Variants in MACROD2 observed in about 807,000 individuals in gnomAD.
MACROD2 encodes the protein ADP-ribose glycohydrolase MACROD2.
MACROD2 carries 36 observed loss-of-function variants against 70.4 expected under a neutral mutation model. The ratio of observed to expected loss-of-function variants is 0.51; its 90% CI spans 0.39 to 0.68. The LOEUF (loss-of-function observed/expected upper bound fraction) is 0.68. Ranked by LOEUF, MACROD2 falls within the 30% of genes least tolerant of loss-of-function variation. The probability of loss-of-function intolerance (pLI) is 0.00; values close to 1 mark genes in which losing one functional copy is unlikely to be tolerated. For synonymous variants in MACROD2, 172 were observed against 178.8 expected (o/e 0.96, Z 0.30); for missense variants, 496 against 538.4 (o/e 0.92, Z 0.78).
chr20:14,647,126 A>G (rs1985437504), intron 4 of MACROD2, among the ~76,000 whole-genome samples: 1 of 152,106 alleles, frequency 6.6e-6, no homozygotes, highest in South Asian at 2.1e-4. Context: ...TATTCTCTTC[A>G]ACACTTGAAG....
intron 7 of MACROD2, among the ~76,000 whole-genome samples, chr20:15,463,203 A>G (rs972636394): frequency 2.0e-5 from 3 of 152,166 alleles, no homozygotes; most frequent in African/African-American, 7.2e-5. Context: ...CCATGTGTCA[A>G]TGCCAACAGG....
rs1021763085 is a variant in MACROD2, at chr20:14,209,460, G to A, written c.271+123732G>A. Among the ~76,000 whole-genome samples the A allele has an allele frequency of 2.6e-5, 4 of 151,996 alleles. No individual in the cohort carries two copies. In the East Asian group the frequency reaches 7.7e-4, roughly 29 times the overall value. On this transcript the variant is annotated intron_variant, in intron 3 of 17. Transcript: ENST00000684519. The stretch of plus-strand genomic sequence containing the variant: ...CCTCTCTCTAAGAAATGTCAATGAT[G>A]CTGGAAAAAAAATAAAGTTCCATTT...
chr20:15,321,085 G>A (rs2077869418), intron 6 of MACROD2, among the ~76,000 whole-genome samples: 1 of 146,252 alleles, frequency 6.8e-6, no homozygotes, highest in Non-Finnish European at 1.6e-5. Flanking sequence ...CTGCAAAGTT[G>A]TTTCAAAATG....
At chr20:16,009,437 T>A (rs1056224249) in intron 15 of MACROD2, among the ~76,000 whole-genome samples, 1 of 152,168 alleles carries the variant, frequency 6.6e-6, no homozygotes, top group African/African-American at 2.4e-5. Context: ...TACTAGAACT[T>A]CTTCCAGTTG....
chr20:15,390,228 G>C (rs2045774201), intron 6 of MACROD2, among the ~76,000 whole-genome samples: 1 of 152,126 alleles, frequency 6.6e-6, no homozygotes, highest in South Asian at 2.1e-4. Context: ...TTACGGCAGA[G>C]TCCCCTCCTC....
chr20:14,398,926 A>G (rs1414276282), intron 3 of MACROD2, among the ~76,000 whole-genome samples: 3 of 151,996 alleles, frequency 2.0e-5, no homozygotes, highest in Non-Finnish European at 2.9e-5. Context: ...CGCCCTGTTC[A>G]TACCATTCCT....
intron 5 of MACROD2, among the ~76,000 whole-genome samples, chr20:15,189,927 C>T (rs2076559509): frequency 6.6e-6 from 1 of 151,864 alleles, no homozygotes; most frequent in African/African-American, 2.4e-5. Context: ...GGTGCATTAA[C>T]CTTAGGTTCA....
Position 14,163,115 on chromosome 20 carries a change from GC to G in MACROD2, c.271+77389del, listed in dbSNP as rs532480149. Among the ~76,000 whole-genome samples, 9 of 152,112 alleles carry G rather than the reference GC, an allele frequency of 5.9e-5. No individual in the cohort carries two copies. In the South Asian group the frequency reaches 1.9e-3, roughly 32 times the overall value. On this transcript the variant is annotated intron_variant, in intron 3 of 17. Transcript: ENST00000684519. ...GCTTCTAGATGTAGGACTCCCTTAA[GC>G]CTTTATTGGAGGATGGGTCTAGTGA...
chr20:14,144,594 C>G (rs1182979763), intron 3 of MACROD2, among the ~76,000 whole-genome samples: 3 of 152,126 alleles, frequency 2.0e-5, no homozygotes, highest in Non-Finnish European at 4.4e-5. Context: ...CACTTATGGT[C>G]TAACCAGGGA....
rs566005261 is a variant in MACROD2 at position 14,619,273 on chromosome 20, G to A, written c.302-65570G>A. Among the ~76,000 whole-genome samples, 14 of 151,002 alleles carry A rather than the reference G, an allele frequency of 9.3e-5. No individual in the cohort carries two copies. The East Asian group carries it at 2.0e-3, about 21-fold the overall frequency. ...CTTCAAAGTCATCTCTGATTCCAAA[G>A]CCTCCCTCTAACTAGGCTGCTTGCA... On this transcript the variant is annotated intron_variant, in intron 4 of 17. Transcript: ENST00000684519.
At chr20:15,199,606 A>AT (rs73619841) in intron 5 of MACROD2, among the ~76,000 whole-genome samples, 11,344 of 152,142 alleles carry the variant, frequency 0.075, 513 homozygotes, top group Non-Finnish European at 0.1. Flanking sequence ...TATAATTAAC[A>AT]TTTTTTCAAG....
chr20:15,685,479 A>G (rs968198035), intron 8 of MACROD2, among the ~76,000 whole-genome samples: 1 of 152,220 alleles, frequency 6.6e-6, no homozygotes, highest in African/African-American at 2.4e-5. Context: ...GGTTCAGAGG[A>G]GAATTGAGAG....
At chr20:14,407,555 T>C (rs1390046469) in intron 3 of MACROD2, among the ~76,000 whole-genome samples, 3 of 152,160 alleles carry the variant, frequency 2.0e-5, no homozygotes, top group Non-Finnish European at 2.9e-5. Context: ...TTTAATAGAC[T>C]AAAAAGCCAT....
intron 3 of MACROD2, among the ~76,000 whole-genome samples, chr20:14,334,772 G>T (rs561791560): frequency 6.7e-6 from 1 of 149,782 alleles, no homozygotes; most frequent in African/African-American, 2.5e-5. Context: ...GTCTTCATTT[G>T]ATTTAAACAG....
chr20:15,196,250 G>C (rs1467862212), intron 5 of MACROD2, among the ~76,000 whole-genome samples: 2 of 148,130 alleles, frequency 1.4e-5, no homozygotes, highest in Admixed American at 6.8e-5. Context: ...TAAAATAGAA[G>C]TTGAAGATTA....
intron 6 of MACROD2, among the ~76,000 whole-genome samples, chr20:15,253,969 C>T (rs1466722703): frequency 6.6e-6 from 1 of 152,178 alleles, no homozygotes; most frequent in Non-Finnish European, 1.5e-5. Flanking sequence ...TTATAGGTCT[C>T]ATGCTGTCCC....
intron 10 of MACROD2, among the ~76,000 whole-genome samples, chr20:15,910,393 CATGTGT>C (rs753157958): frequency 0.036 from 3,785 of 105,770 alleles, 82 homozygotes; most frequent in Non-Finnish European, 0.052. Context: ...AGTCAGAGGA[CATGTGT>C]GTGTGTGTGT....
chr20:15,584,695 G>A (rs1456647250), intron 8 of MACROD2, among the ~76,000 whole-genome samples: 1 of 152,174 alleles, frequency 6.6e-6, no homozygotes, highest in East Asian at 1.9e-4. Context: ...CCCACAGGGG[G>A]CACTGGTACC....
At chr20:15,958,403 T>A (rs6034337) in intron 12 of MACROD2, among the ~76,000 whole-genome samples, 3 of 152,192 alleles carry the variant, frequency 2.0e-5, no homozygotes, top group African/African-American at 4.8e-5. Context: ...TTTGAATATC[T>A]CTTTGGATTC....
Sources: gnomAD v4.1 joint callset for allele counts (sites outside exome capture counted in the v4.1 genomes callset) on GRCh38, gnomAD v4.1.1 for gene constraint, MANE v1.5 for transcripts, NCBI Gene and HGNC (gene_info 2026-07-23, HGNC 2026-07-21) for gene names.